GALNT17: variants seen among roughly 807,000 people sequenced by gnomAD.
The protein encoded by GALNT17 is UDP-GalNAc:polypeptide N-acetylgalactosaminyltransferase-like 3.
GALNT17 carries 29 observed loss-of-function variants against 63.7 expected under a neutral mutation model. The observed-to-expected ratio is 0.46, with a 90% CI of 0.34 to 0.62. GALNT17 has a LOEUF of 0.62. Among genes scored for constraint, GALNT17 ranks in the 20% least tolerant of loss-of-function variants. The pLI is 0.01. For missense variants in GALNT17, 603 were observed against 799.6 expected (o/e 0.75, Z 2.97); for synonymous variants, 305 against 318.3 (o/e 0.96, Z 0.45).
At chr7:71,276,961 G>A (rs1244520248) in intron 1 of GALNT17, among the ~76,000 whole-genome samples, 1 of 152,138 alleles carries the variant, frequency 6.6e-6, no homozygotes, top group South Asian at 2.1e-4. Flanking sequence ...TTGTGCCACT[G>A]CACCCCAGCC....
At chr7:71,270,000 C>A (rs549986303) in intron 1 of GALNT17, among the ~76,000 whole-genome samples, 81 of 152,214 alleles carry the variant, frequency 5.3e-4, no homozygotes, top group African/African-American at 2.0e-3. Flanking sequence ...GTGTGTGACA[C>A]CTCTCTCTCT....
At chr7:71,661,434 G>A (rs1460588541) in intron 6 of GALNT17, among the ~76,000 whole-genome samples, 2 of 152,178 alleles carry the variant, frequency 1.3e-5, no homozygotes, top group African/African-American at 4.8e-5. Context: ...CCTCTCTAAG[G>A]GGAGGGGCCT....
intron 2 of GALNT17, among the ~76,000 whole-genome samples, chr7:71,375,335 G>T (rs1035568826): frequency 2.6e-5 from 4 of 152,186 alleles, no homozygotes; most frequent in African/African-American, 9.7e-5. Context: ...TGCTGACGTT[G>T]CAGGGTAACA....
At chr7:71,575,367 T>G (rs1271368064) in intron 6 of GALNT17, among the ~76,000 whole-genome samples, 3 of 149,628 alleles carry the variant, frequency 2.0e-5, no homozygotes, top group Non-Finnish European at 3.0e-5. Flanking sequence ...TGGAAAATTT[T>G]TAACATGAGA....
chr7:71,419,668 T>G (rs1036012951), intron 4 of GALNT17, among the ~76,000 whole-genome samples: 3 of 151,802 alleles, frequency 2.0e-5, no homozygotes, highest in African/African-American at 7.3e-5. Context: ...TGGGACCAGG[T>G]GGTGAGTGAG....
chr7:71,148,874 ATATATATATATATATATATG>A (rs1788079415), intron 1 of GALNT17, among the ~76,000 whole-genome samples: 2 of 141,966 alleles, frequency 1.4e-5, no homozygotes, highest in East Asian at 2.0e-4. Flanking sequence ...ATATATATAT[ATATATATATATATATATATG>A]TATACCATAG....
At chr7:71,401,097 CTT>C (rs544794124) in intron 3 of GALNT17, among the ~76,000 whole-genome samples, 5 of 140,048 alleles carry the variant, frequency 3.6e-5, no homozygotes, top group Non-Finnish European at 4.7e-5. Context: ...TTTTCTTTTT[CTT>C]TTTTTTTTTT....
At chr7:71,395,725 A>T (rs1032681755) in intron 3 of GALNT17, among the ~76,000 whole-genome samples, 3 of 152,198 alleles carry the variant, frequency 2.0e-5, no homozygotes, top group Admixed American at 2.0e-4. Flanking sequence ...ATCACCATTC[A>T]TATATGAGGG....
At chr7:71,444,417 A>G (rs1042378435) in intron 5 of GALNT17, among the ~76,000 whole-genome samples, 3 of 152,190 alleles carry the variant, frequency 2.0e-5, no homozygotes, top group Non-Finnish European at 4.4e-5. Context: ...CATCAGGTTC[A>G]TGAGGGTGGG....
intron 1 of GALNT17, among the ~76,000 whole-genome samples, chr7:71,299,361 G>A (rs1791152262): frequency 6.6e-6 from 1 of 152,182 alleles, no homozygotes; most frequent in Non-Finnish European, 1.5e-5. Flanking sequence ...CCTGCAATGT[G>A]CCAAGTACTC....
At chr7:71,695,669 T>C (rs1791529087) in intron 9 of GALNT17, among the ~76,000 whole-genome samples, 1 of 152,206 alleles carries the variant, frequency 6.6e-6, no homozygotes, top group Non-Finnish European at 1.5e-5. Flanking sequence ...CTCATGCTCC[T>C]TTTCTAACCC....
At chr7:71,332,176 CTG>C (rs1277768500) in intron 1 of GALNT17, among the ~76,000 whole-genome samples, 3 of 152,088 alleles carry the variant, frequency 2.0e-5, no homozygotes, top group African/African-American at 4.8e-5. Context: ...TCTCTGGAGA[CTG>C]TGTAAATTCA....
At chr7:71,664,115 G>A (rs371270977) in intron 6 of GALNT17, among the ~76,000 whole-genome samples, 19 of 151,722 alleles carry the variant, frequency 1.3e-4, no homozygotes, top group Middle Eastern at 3.4e-3. Context: ...TACGGCCTAG[G>A]TGCCTGCCAT....
intron 1 of GALNT17, among the ~76,000 whole-genome samples, chr7:71,222,230 C>T (rs1463217537): frequency 1.3e-5 from 2 of 151,882 alleles, no homozygotes; most frequent in African/African-American, 2.4e-5. Context: ...TACCAGATTT[C>T]CCAGTAATGT....
At chr7:71,222,478 G>T (rs1257560230) in intron 1 of GALNT17, among the ~76,000 whole-genome samples, 1 of 152,004 alleles carries the variant, frequency 6.6e-6, no homozygotes, top group African/African-American at 2.4e-5. Flanking sequence ...TTTTAGTAGA[G>T]ACAAGGTTTC....
intron 1 of GALNT17, among the ~76,000 whole-genome samples, chr7:71,216,633 T>C (rs945181131): frequency 1.3e-5 from 2 of 151,358 alleles, no homozygotes; most frequent in East Asian, 2.0e-4. Context: ...CACACACATA[T>C]ACATATATAT....
At chr7:71,226,551 G>A (rs1331499573) in intron 1 of GALNT17, among the ~76,000 whole-genome samples, 1 of 152,104 alleles carries the variant, frequency 6.6e-6, no homozygotes, top group East Asian at 1.9e-4. Flanking sequence ...GAGTGCAGTG[G>A]CATGATCAAC....
chr7:71,656,872 T>C (rs1273002417), intron 6 of GALNT17, among the ~76,000 whole-genome samples: 1 of 152,174 alleles, frequency 6.6e-6, no homozygotes, highest in Admixed American at 6.5e-5. Flanking sequence ...ACACACTGTC[T>C]TTCTGCTCCG....
intron 1 of GALNT17, among the ~76,000 whole-genome samples, chr7:71,158,774 A>G (rs1411151489): frequency 1.3e-5 from 2 of 151,440 alleles, no homozygotes; most frequent in Non-Finnish European, 2.9e-5. Context: ...ATGGGGTTTC[A>G]CCGTGTTAGC....
Sources: gnomAD v4.1 joint callset for allele counts (sites outside exome capture counted in the v4.1 genomes callset) on GRCh38, gnomAD v4.1.1 for gene constraint, MANE v1.5 for transcripts, NCBI Gene and HGNC (gene_info 2026-07-23, HGNC 2026-07-21) for gene names.